JPH3: variants seen among roughly 807,000 people sequenced by gnomAD.
JPH3 encodes junctophilin 3.
A neutral mutation model predicts 59.6 loss-of-function variants in JPH3; 11 were observed. That is an observed-to-expected ratio of 0.18 (90% confidence interval 0.12 to 0.31). The LOEUF (loss-of-function observed/expected upper bound fraction) is 0.31, where lower values mean the gene tolerates loss of function less well. JPH3 is among the 10% of genes least tolerant of loss of function. The probability of loss-of-function intolerance (pLI) is 1.00; values close to 1 mark genes in which losing one functional copy is unlikely to be tolerated. For synonymous variants in JPH3, 673 were observed against 483.6 expected, an observed-to-expected ratio of 1.39 and a Z score of -5.14; for missense variants, 1,202 against 1,105.7, an observed-to-expected ratio of 1.09 and a Z score of -1.24.
chr16:87,604,733 A>T, intron 1 of JPH3: 1 of 997,238 alleles, frequency 1.0e-6, no homozygotes, highest in South Asian at 2.1e-5. Flanking sequence ...GGGGCTGGAG[A>T]GTAATTATTA....
At position 87,644,803 on chromosome 16, in the gene JPH3, A is replaced by T. The variant is rs1480481655; in HGVS notation, c.928A>T (p.Lys310Ter). 6.2e-7 allele frequency: 1 copy of T among 1,613,130 alleles called. No individual in the cohort carries two copies. Among genetic ancestry groups the T allele is most frequent in the Non-Finnish European group, 8.5e-7 (1 of 1,179,808 alleles). Residue 310 changes from lysine (K) to a stop codon, truncating the protein, a stop_gained, in exon 2 of 5, where the codon AAG becomes TAG. Transcript: ENST00000284262. LOFTEE classifies it high-confidence loss of function. Reference sequence around the variant, plus strand: ...CGTGAGCCAGCGCTCGGACGGGCTCAAGTACGAGGGCGAGTGGGCCAGCAA... The same window carrying T: ...CGTGAGCCAGCGCTCGGACGGGCTCTAGTACGAGGGCGAGTGGGCCAGCAA... ...FGVSQRSDGL[K>*]YEGEWASNRR...
At chr16:87,667,755 T>C (rs2032908469) in intron 2 of JPH3, among the ~76,000 whole-genome samples, 1 of 152,250 alleles carries the variant, frequency 6.6e-6, no homozygotes, top group Admixed American at 6.5e-5. Context: ...GAGAGTATTT[T>C]AGGCTTTGCT....
chr16:87,686,383 C>G (rs957581544), intron 3 of JPH3, among the ~76,000 whole-genome samples: 1 of 116,612 alleles, frequency 8.6e-6, no homozygotes, highest in African/African-American at 3.8e-5. Context: ...AGATGCTTCC[C>G]AGAGGGCTCA....
chr16:87,649,387 C>G (rs79212706), intron 2 of JPH3, among the ~76,000 whole-genome samples: 1 of 152,218 alleles, frequency 6.6e-6, no homozygotes, highest in South Asian at 2.1e-4. Context: ...CTTTGCACGG[C>G]GCTGCCTGTC....
rs1180755698 is a variant in JPH3 at position 87,603,156 on chromosome 16, G to A, written c.10G>A (p.Gly4Arg). 2 of 1,613,964 alleles carry A rather than the reference G, an allele frequency of 1.2e-6. No homozygotes were observed. Among genetic ancestry groups the A allele is most frequent in the Non-Finnish European group, 8.5e-7 (1 of 1,179,904 alleles). Reference sequence around the variant, plus strand: ...GAACCGAGTTACATGCATGTCCAGTGGGGGCAGGTTTAATTTTGACGACGG... The same window carrying A: ...GAACCGAGTTACATGCATGTCCAGTAGGGGCAGGTTTAATTTTGACGACGG... MSS[G>R]GRFNFDDGGS... is the part of the protein sequence containing the mutation. Residue 4 changes from glycine (G) to arginine (R), a missense_variant, in exon 1 of 5, where the codon GGG (glycine) becomes AGG (arginine). By Grantham distance (125) the Gly-to-Arg change is moderately radical. Transcript: ENST00000284262.
chr16:87,648,367 C>T (rs1227685899), intron 2 of JPH3, among the ~76,000 whole-genome samples: 1 of 152,206 alleles, frequency 6.6e-6, no homozygotes, highest in African/African-American at 2.4e-5. Context: ...AGCGGCCGCA[C>T]CACGTGGGCT....
intron 1 of JPH3, among the ~76,000 whole-genome samples, chr16:87,639,681 T>C (rs1017948029): frequency 6.7e-6 from 1 of 148,392 alleles, no homozygotes. Flanking sequence ...TCCTCCCTCC[T>C]GGCCCCTCGC....
At chr16:87,677,880 G>A (rs1335906591) in intron 2 of JPH3, among the ~76,000 whole-genome samples, 1 of 152,226 alleles carries the variant, frequency 6.6e-6, no homozygotes, top group Non-Finnish European at 1.5e-5. Context: ...GTGGGGATGG[G>A]GATTGAGGTC....
Position 87,648,021 on chromosome 16 carries a change from G to A in JPH3, c.1160+2986G>A, listed in dbSNP as rs568985302. ...CCCTGCTCCCTGTAGTGGCCTCGGC[G>A]TGGGGCCGGGCCTGTGGTTGCACCA... is the stretch of plus-strand genomic sequence containing the variant. On this transcript the variant is annotated intron_variant, in intron 2 of 4. Transcript: ENST00000284262. 3.8e-3 allele frequency among the ~76,000 whole-genome samples: 584 copies of A among 152,300 alleles called. 13 individuals carry two copies. Among genetic ancestry groups the A allele is most frequent in the Non-Finnish European group, 9.3e-4 (63 of 68,016 alleles).
At chr16:87,691,388 C>T (rs1006448014) in intron 4 of JPH3, among the ~76,000 whole-genome samples, 5 of 152,230 alleles carry the variant, frequency 3.3e-5, no homozygotes, top group Non-Finnish European at 5.9e-5. Context: ...TCTGCTCGCT[C>T]GTGGCTGCCA....
intron 3 of JPH3, 52 bp downstream of exon 3, chr16:87,684,318 G>A (rs763720251): frequency 1.7e-5 from 28 of 1,600,386 alleles, no homozygotes; most frequent in Non-Finnish European, 2.4e-5. Context: ...GTGCGTGGAT[G>A]GCTGGGCAGT....
At chr16:87,644,095 C>G (rs919147012) in intron 1 of JPH3, among the ~76,000 whole-genome samples, 163 bp from the exon 2 acceptor site, 15 of 152,228 alleles carry the variant, frequency 9.9e-5, no homozygotes, top group African/African-American at 2.9e-4. Context: ...CTGTGATGGT[C>G]TCACTGCACT....
chr16:87,697,118 A>G lies in JPH3; in HGVS notation c.*458A>G, dbSNP rs2142858690. ...AGTGGATTCACTGCTTTCTCTGTCT[A>G]GAACAGACGGGTGACAAGTATGGGC... On this transcript the variant is annotated 3_prime_UTR_variant, in exon 5 of 5. Coordinates refer to ENST00000284262, the MANE Select transcript of JPH3 (RefSeq NM_020655.4). The G allele has an allele frequency of 4.3e-6, 1 of 231,320 alleles. No homozygotes were observed. The highest frequency in any genetic ancestry group is 6.4e-5 in the South Asian group (1 of 15,720). The allele number at this position is 231,320 out of a possible 1,614,324, so 14.3% of individuals were successfully genotyped here.
At chr16:87,648,993 G>T (rs992491490) in intron 2 of JPH3, among the ~76,000 whole-genome samples, 1 of 152,208 alleles carries the variant, frequency 6.6e-6, no homozygotes, top group Non-Finnish European at 1.5e-5. Flanking sequence ...CCCACGGGGA[G>T]ATGAGGCATC....
intron 1 of JPH3, chr16:87,605,099 A>G (rs888596378): frequency 4.5e-5 from 16 of 357,414 alleles, no homozygotes; most frequent in East Asian, 7.7e-5. Context: ...AGGGGCTGCT[A>G]TCACCCCCAG....
At chr16:87,603,668 A>T (rs1046892173) in intron 1 of JPH3, 140 bp downstream of exon 1, 1 of 1,110,510 alleles carries the variant, frequency 9.0e-7, no homozygotes, top group Non-Finnish European at 1.3e-6. Flanking sequence ...GCTTCCCTGG[A>T]AGCCACGGCG....
At chr16:87,682,961 G>A (rs879497993) in intron 2 of JPH3, among the ~76,000 whole-genome samples, 5 of 152,284 alleles carry the variant, frequency 3.3e-5, no homozygotes, top group African/African-American at 7.2e-5. Flanking sequence ...GGGTGGGCAG[G>A]TCCCCTGCAG....
chr16:87,671,716 A>G (rs4843667), intron 2 of JPH3, among the ~76,000 whole-genome samples: 36,830 of 151,920 alleles, frequency 0.24, 4,953 homozygotes, highest in East Asian at 0.44. Context: ...GTGTTGCCGC[A>G]TCCTCCCTGG....
chr16:87,650,045 C>A (rs1296860050), intron 2 of JPH3, among the ~76,000 whole-genome samples: 1 of 152,176 alleles, frequency 6.6e-6, no homozygotes, highest in Non-Finnish European at 1.5e-5. Flanking sequence ...GCAGGCCCAC[C>A]TTGATTCAGG....
Sources: gnomAD v4.1 joint callset for allele counts (sites outside exome capture counted in the v4.1 genomes callset) on GRCh38, gnomAD v4.1.1 for gene constraint, MANE v1.5 for transcripts, NCBI Gene and HGNC (gene_info 2026-07-23, HGNC 2026-07-21) for gene names.